The following SEMA6D variants were observed in gnomAD, a reference collection of about 807,000 sequenced individuals.
The protein encoded by SEMA6D is semaphorin 6D.
SEMA6D carries 35 observed loss-of-function variants against 106.6 expected under a neutral mutation model. The ratio of observed to expected loss-of-function variants is 0.33; its 90% confidence interval spans 0.25 to 0.44. The LOEUF is 0.44. Ranked by LOEUF, SEMA6D falls within the 20% of genes least tolerant of loss-of-function variation. The pLI, the probability that SEMA6D is intolerant of heterozygous loss-of-function variation, is 1.00. For missense variants in SEMA6D, 1,185 were observed against 1,345.9 expected (o/e 0.88, Z 1.87); for synonymous variants, 499 against 487.7 (o/e 1.02, Z -0.31).
intron 1 of SEMA6D, among the ~76,000 whole-genome samples, chr15:47,195,685 G>A (rs1894291982): frequency 6.6e-6 from 1 of 152,018 alleles, no homozygotes; most frequent in South Asian, 2.1e-4. Flanking sequence ...ACCAATTTAG[G>A]TATCTCTTCT....
chr15:47,530,584 A>G (rs1436696759), intron 3 of SEMA6D, among the ~76,000 whole-genome samples: 1 of 152,218 alleles, frequency 6.6e-6, no homozygotes, highest in Non-Finnish European at 1.5e-5. Flanking sequence ...AGATTTTTAA[A>G]GAGACCTCAG....
At chr15:47,328,115 G>A (rs1683552680) in intron 1 of SEMA6D, among the ~76,000 whole-genome samples, 1 of 151,552 alleles carries the variant, frequency 6.6e-6, no homozygotes. Flanking sequence ...AAAGAAAGCT[G>A]CAGAACAAAT....
At chr15:47,468,086 C>T (rs2042717973) in intron 2 of SEMA6D, among the ~76,000 whole-genome samples, 1 of 152,024 alleles carries the variant, frequency 6.6e-6, no homozygotes, top group South Asian at 2.1e-4. Flanking sequence ...CTAGATTTGA[C>T]TGCCTTCTTG....
At chr15:47,529,010 TA>T (rs2044856517) in intron 3 of SEMA6D, among the ~76,000 whole-genome samples, 1 of 152,178 alleles carries the variant, frequency 6.6e-6, no homozygotes, top group South Asian at 2.1e-4. Flanking sequence ...AAAATGTTAT[TA>T]AAAAATAATA....
chr15:47,186,725 G>A (rs959260192), intron 1 of SEMA6D, among the ~76,000 whole-genome samples: 1 of 152,086 alleles, frequency 6.6e-6, no homozygotes, highest in Non-Finnish European at 1.5e-5. Context: ...GACATGAAGA[G>A]TATTCACAGC....
intron 3 of SEMA6D, among the ~76,000 whole-genome samples, chr15:47,496,237 A>G (rs1430328844): frequency 6.6e-6 from 1 of 152,150 alleles, no homozygotes; most frequent in Admixed American, 6.6e-5. Flanking sequence ...TTCCGTTATT[A>G]GACCTGAACC....
At chr15:47,409,789 A>G (rs1388719657) in intron 1 of SEMA6D, among the ~76,000 whole-genome samples, 1 of 151,702 alleles carries the variant, frequency 6.6e-6, no homozygotes, top group Non-Finnish European at 1.5e-5. Flanking sequence ...GTCATAGTCC[A>G]CCTTAAAAAT....
chr15:47,332,304 G>A (rs1255812933), intron 1 of SEMA6D, among the ~76,000 whole-genome samples: 1 of 152,116 alleles, frequency 6.6e-6, no homozygotes, highest in African/African-American at 2.4e-5. Flanking sequence ...TTGCACAATT[G>A]AAGAAATACT....
At chr15:47,506,222 G>A (rs2044032798) in intron 3 of SEMA6D, among the ~76,000 whole-genome samples, 1 of 152,094 alleles carries the variant, frequency 6.6e-6, no homozygotes, top group Non-Finnish European at 1.5e-5. Context: ...CATCACACAA[G>A]GCCAATTTTA....
chr15:47,565,035 C>T (rs759461974), intron 3 of SEMA6D, among the ~76,000 whole-genome samples: 1 of 152,214 alleles, frequency 6.6e-6, no homozygotes, highest in Non-Finnish European at 1.5e-5. Context: ...AAATTCCCCA[C>T]ATTTACCATC....
At chr15:47,421,188 G>T (rs1390277048) in intron 2 of SEMA6D, among the ~76,000 whole-genome samples, 1 of 152,014 alleles carries the variant, frequency 6.6e-6, no homozygotes, top group Non-Finnish European at 1.5e-5. Flanking sequence ...ACAAGATTCA[G>T]TCCCCTTGTT....
At position 47,378,403 on chromosome 15, in the gene SEMA6D, G is replaced by C. The variant is rs553160164; in HGVS notation, c.-238-33990G>C. ...CCCACCTACTAAGGAGGCTGAGGTAGCAGAATTGCTTGAACCTGGAAGGCA... is the reference window on the plus strand; with the variant it reads ...CCCACCTACTAAGGAGGCTGAGGTACCAGAATTGCTTGAACCTGGAAGGCA... On this transcript the variant is annotated intron_variant, in intron 1 of 19. Transcript: ENST00000558014. Among the ~76,000 whole-genome samples the C allele has an allele frequency of 5.3e-5, 8 of 152,308 alleles. No individual in the cohort carries two copies. The East Asian group carries it at 1.5e-3, about 29-fold the overall frequency.
chr15:47,398,256 C>T (rs1288574703), intron 1 of SEMA6D, among the ~76,000 whole-genome samples: 1 of 152,204 alleles, frequency 6.6e-6, no homozygotes, highest in Non-Finnish European at 1.5e-5. Flanking sequence ...CTCCTTTTGA[C>T]ATATCCCAAA....
At chr15:47,242,739 C>T (rs933440796) in intron 1 of SEMA6D, among the ~76,000 whole-genome samples, 3 of 151,746 alleles carry the variant, frequency 2.0e-5, no homozygotes, top group Admixed American at 1.3e-4. Context: ...ATATTATTTC[C>T]GATTATAAAA....
chr15:47,579,041 G>T (rs2076208726), intron 3 of SEMA6D, among the ~76,000 whole-genome samples: 2 of 152,148 alleles, frequency 1.3e-5, no homozygotes, highest in African/African-American at 2.4e-5. Flanking sequence ...TGTAGGGCAG[G>T]TGTTCTCACT....
intron 1 of SEMA6D, among the ~76,000 whole-genome samples, chr15:47,726,636 T>A (rs1030892926): frequency 4.6e-5 from 7 of 152,232 alleles, no homozygotes; most frequent in African/African-American, 1.7e-4. Context: ...GAGACTCATT[T>A]TCACCTTATA....
chr15:47,571,268 G>GA (rs946805814), intron 3 of SEMA6D, among the ~76,000 whole-genome samples: 7 of 148,522 alleles, frequency 4.7e-5, no homozygotes, highest in South Asian at 2.1e-4. Flanking sequence ...AACTGGAAAA[G>GA]AAAAAAAAAA....
chr15:47,713,296 T>G (rs1206223288), upstream of SEMA6D, among the ~76,000 whole-genome samples: 1 of 152,188 alleles, frequency 6.6e-6, no homozygotes, highest in Non-Finnish European at 1.5e-5. Flanking sequence ...ATTCTAAACA[T>G]AAGCACTGCT....
chr15:47,641,007 A>G (rs1881245496), intron 4 of SEMA6D, among the ~76,000 whole-genome samples: 1 of 152,294 alleles, frequency 6.6e-6, no homozygotes, highest in Admixed American at 6.5e-5. Flanking sequence ...AAAGGAAGTC[A>G]CTAGTGATAA....
Sources: gnomAD v4.1 joint callset for allele counts (sites outside exome capture counted in the v4.1 genomes callset) on GRCh38, gnomAD v4.1.1 for gene constraint, MANE v1.5 for transcripts, NCBI Gene and HGNC (gene_info 2026-07-23, HGNC 2026-07-21) for gene names.